The following WDR74 variants were observed in gnomAD, a reference collection of about 807,000 sequenced individuals.
WDR74 encodes the protein WD repeat domain 74.
Under a neutral mutation model 45.6 loss-of-function variants are expected in WDR74, and 31 were observed. The observed-to-expected ratio is 0.68, with a 90% CI of 0.51 to 0.92. The LOEUF (loss-of-function observed/expected upper bound fraction) is 0.92. Among genes scored for constraint, WDR74 ranks in the 40% least tolerant of loss-of-function variants. The pLI is 0.00. For missense variants in WDR74, 455 were observed against 497.2 expected, an observed-to-expected ratio of 0.92 and a Z score of 0.81; for synonymous variants, 191 against 192.4, an observed-to-expected ratio of 0.99 and a Z score of 0.06.
At chr11:62,834,182 T>C in intron 8 of WDR74, 94 bp downstream of exon 8, 1 of 1,570,686 alleles carries the variant, frequency 6.4e-7, no homozygotes, top group African/African-American at 1.3e-5. Context: ...GGCACCTGAA[T>C]GAGGCCTCAC....
At chr11:62,833,748 G>A (rs1477489217) in intron 9 of WDR74, 44 bp downstream of exon 9, 3 of 1,606,116 alleles carry the variant, frequency 1.9e-6, no homozygotes, top group Non-Finnish European at 2.6e-6. Flanking sequence ...CAGGAGGCGG[G>A]GCCTCCACAA....
chr11:62,838,152 T>C (rs999401387), intron 3 of WDR74, among the ~76,000 whole-genome samples: 1 of 152,080 alleles, frequency 6.6e-6, no homozygotes, highest in African/African-American at 2.4e-5. Context: ...TGCTTAAAAC[T>C]TTTTTTGTTG....
At chr11:62,839,259 G>A in intron 2 of WDR74, 24 bp from the exon 3 acceptor site, 1 of 1,612,654 alleles carries the variant, frequency 6.2e-7, no homozygotes. Context: ...GGGCAAGATG[G>A]CGAGGAGAGC....
At chr11:62,841,077 G>A (rs2085037603), upstream of WDR74, among the ~76,000 whole-genome samples, 1 of 152,220 alleles carries the variant, frequency 6.6e-6, no homozygotes, top group African/African-American at 2.4e-5. Context: ...CCAGCACTTT[G>A]GGAGGCTGAA....
chr11:62,837,512 AAAC>A (rs2084976515), intron 3 of WDR74, among the ~76,000 whole-genome samples: 2 of 149,424 alleles, frequency 1.3e-5, no homozygotes, highest in African/African-American at 2.5e-5. Flanking sequence ...AAAAAACAAA[AAAC>A]AAAAAAAAAA....
rs267603081 is a variant in WDR74, at chr11:62,835,431, C to G, written c.618G>C (p.Gln206His). ...QKLVTCTGYH[Q>H]VRVYDPASPQ... Reference sequence around the variant, plus strand: ...AGGCAGGTGTGAGGTGACACCTTACCTGGTGGTACCCTGTGCAGGTGACAA... The same window carrying G: ...AGGCAGGTGTGAGGTGACACCTTACGTGGTGGTACCCTGTGCAGGTGACAA... Residue 206 changes from glutamine to histidine, a missense_variant and splice_region_variant, in exon 6 of 11, where the codon CAG becomes CAC. Coordinates refer to ENST00000278856, the MANE Select transcript of WDR74 (RefSeq NM_001369450.1). 6 of 1,613,864 alleles carry G rather than the reference C, an allele frequency of 3.7e-6. No homozygotes were observed. In the South Asian group the frequency reaches 5.5e-5, roughly 15 times the overall value.
At chr11:62,837,561 C>CTAT (rs898630983) in intron 3 of WDR74, among the ~76,000 whole-genome samples, 4 of 151,540 alleles carry the variant, frequency 2.6e-5, no homozygotes, top group Non-Finnish European at 4.4e-5. Context: ...AAATCAAATG[C>CTAT]TATTTATCCT....
rs2084955472 is a variant in WDR74 at position 62,836,055 on chromosome 11, G to A, written c.294-19C>T. ...GAGGGTGCTGCAGAGAAAGGATAGA[G>A]TTGGGATTTTTTAAGTGCTTAAACT... On this transcript the variant is annotated intron_variant, in intron 3 of 10. Transcript: ENST00000278856. 6.4e-7 allele frequency: 1 copy of A among 1,569,268 alleles called. No individual in the cohort carries two copies. Among genetic ancestry groups the A allele is most frequent in the Non-Finnish European group, 8.6e-7 (1 of 1,156,464 alleles).
chr11:62,835,276 G>T, intron 6 of WDR74, 155 bp downstream of exon 6: 1 of 652,142 alleles, frequency 1.5e-6, no homozygotes, highest in Non-Finnish European at 2.6e-6. Context: ...GTAGAGGAAG[G>T]TCATGGGCTC....
chr11:62,835,053 G>A (rs532795919), intron 6 of WDR74: 2 of 235,338 alleles, frequency 8.5e-6, no homozygotes, highest in South Asian at 1.5e-4. Flanking sequence ...AAGCTGAGGA[G>A]CTGAGGCCAG....
chr11:62,841,474 T>C (rs1259755606), upstream of WDR74: 3 of 152,168 alleles, frequency 2.0e-5, no homozygotes, highest in African/African-American at 4.8e-5. Flanking sequence ...AAACCTTCTC[T>C]CAACAAGACA....
At chr11:62,836,383 G>A (rs189786814) in intron 3 of WDR74, 16 of 293,790 alleles carry the variant, frequency 5.4e-5, no homozygotes, top group Admixed American at 1.8e-4. Context: ...AATCAACTCT[G>A]TGATATTCCA....
chr11:62,835,025 A>G (rs2084937855), intron 6 of WDR74: 1 of 225,526 alleles, frequency 4.4e-6, no homozygotes, highest in Admixed American at 5.1e-5. Flanking sequence ...AAGATTCCCC[A>G]TTCGGGCCCT....
chr11:62,841,603 T>G (rs543704970), upstream of WDR74: 3 of 152,168 alleles, frequency 2.0e-5, no homozygotes, highest in African/African-American at 4.8e-5. Context: ...AAACAACGGT[T>G]GTTCTCTCCC....
chr11:62,833,913 C>T lies in WDR74; in HGVS notation c.800G>A (p.Gly267Glu). The T allele has an allele frequency of 6.2e-7, 1 of 1,613,930 alleles. No homozygotes were observed. Among genetic ancestry groups the T allele is most frequent in the Middle Eastern group, 1.6e-4 (1 of 6,062 alleles). ...CAACCCACGCACACTGCCTGCCAGC[C>T]CCTTCAGACAGCCCAGTAGACGCCC... Reference protein sequence around the residue: ...RQGRLLGCLKGLAGSVRGLQC... With the variant: ...RQGRLLGCLKELAGSVRGLQC... The change falls in exon 9 of 11, where the codon GGG becomes GAG. Residue 267 changes from glycine to glutamate, a missense_variant. Transcript: ENST00000278856.
At chr11:62,841,608 T>TCTCC (rs1555011876), upstream of WDR74, 1 of 151,264 alleles carries the variant, frequency 6.6e-6, no homozygotes, top group Non-Finnish European at 1.5e-5. Context: ...ACGGTTGTTC[T>TCTCC]CTCCCCGAAG....
intron 3 of WDR74, among the ~76,000 whole-genome samples, chr11:62,837,476 AAC>A (rs1457276397): frequency 4.6e-5 from 7 of 151,692 alleles, no homozygotes; most frequent in African/African-American, 1.7e-4. Flanking sequence ...CAGCCTGGGC[AAC>A]AGAGTGAGAC....
Position 62,833,777 on chromosome 11 carries a change from G to A in WDR74, c.921+15C>T, listed in dbSNP as rs2084914849. On this transcript the variant is annotated intron_variant, in intron 9 of 10. Transcript: ENST00000278856. ...TCCACAAGACCATGAGTTGGAGGTG[G>A]GAGAGACAACTTACCTTATGCTCCA... The A allele has an allele frequency of 2.5e-6, 4 of 1,612,242 alleles. No individual in the cohort carries two copies. The Admixed American group carries it at 6.7e-5, about 27-fold the overall frequency.
chr11:62,836,098 TCTC>T (rs2084956356), intron 3 of WDR74, 62 bp from the exon 4 acceptor site: 5 of 1,481,044 alleles, frequency 3.4e-6, no homozygotes, highest in Non-Finnish European at 3.7e-6. Flanking sequence ...CTAATCTTTC[TCTC>T]CTCCTTACTA....
Sources: gnomAD v4.1 joint callset for allele counts (sites outside exome capture counted in the v4.1 genomes callset) on GRCh38, gnomAD v4.1.1 for gene constraint, MANE v1.5 for transcripts, NCBI Gene and HGNC (gene_info 2026-07-23, HGNC 2026-07-21) for gene names.